Variants in UBE2R2 observed in about 807,000 individuals in gnomAD.
UBE2R2 encodes ubiquitin-conjugating enzyme E2 R2.
UBE2R2 carries 1 observed loss-of-function variant against 27.8 expected under a neutral mutation model. The observed-to-expected ratio is 0.04, with a 90% CI of 0.01 to 0.17. The LOEUF is 0.17. Among genes scored for constraint, UBE2R2 ranks in the 10% least tolerant of loss-of-function variants. The pLI is 1.00. For synonymous variants in UBE2R2, 106 were observed against 113.3 expected (o/e 0.94, Z 0.41); for missense variants, 100 against 291.0 (o/e 0.34, Z 4.78).
chr9:33,861,854 T>C (rs928682492), intron 1 of UBE2R2, among the ~76,000 whole-genome samples: 2 of 146,500 alleles, frequency 1.4e-5, no homozygotes, highest in African/African-American at 2.5e-5. Flanking sequence ...TTTCTTTTTT[T>C]TTTTTTTTTT....
At chr9:33,833,410 G>C (rs765555185) in intron 1 of UBE2R2, among the ~76,000 whole-genome samples, 1 of 151,984 alleles carries the variant, frequency 6.6e-6, no homozygotes, top group Non-Finnish European at 1.5e-5. Context: ...ATGTTGGCCA[G>C]GTTGGTCCCC....
chr9:33,824,209 T>C (rs912271754), intron 1 of UBE2R2, among the ~76,000 whole-genome samples: 1 of 152,290 alleles, frequency 6.6e-6, no homozygotes, highest in Admixed American at 6.5e-5. Context: ...ATTTCTTAGA[T>C]GGCCAGGTGT....
chr9:33,850,221 C>G (rs1820934419), intron 1 of UBE2R2, among the ~76,000 whole-genome samples: 1 of 152,058 alleles, frequency 6.6e-6, no homozygotes, highest in Non-Finnish European at 1.5e-5. Flanking sequence ...CAGTGGTATT[C>G]AGCTTGGCGT....
At chr9:33,862,693 C>T (rs904961777) in intron 1 of UBE2R2, among the ~76,000 whole-genome samples, 9 of 151,976 alleles carry the variant, frequency 5.9e-5, no homozygotes, top group Non-Finnish European at 8.8e-5. Flanking sequence ...TGGCTTGTGT[C>T]CTTTGCCTGT....
At chr9:33,908,758 C>T (rs1822419598) in intron 3 of UBE2R2, among the ~76,000 whole-genome samples, 1 of 152,142 alleles carries the variant, frequency 6.6e-6, no homozygotes, top group South Asian at 2.1e-4. Flanking sequence ...TTTCTTAATT[C>T]AAGTAATAGG....
chr9:33,869,500 G>C (rs1001624982), intron 1 of UBE2R2, among the ~76,000 whole-genome samples: 1 of 151,726 alleles, frequency 6.6e-6, no homozygotes, highest in Admixed American at 6.6e-5. Flanking sequence ...AGGCTGGAGT[G>C]TAATGGTGCA....
intron 3 of UBE2R2, among the ~76,000 whole-genome samples, chr9:33,909,646 C>G (rs924697274): frequency 7.2e-5 from 11 of 152,154 alleles, no homozygotes; most frequent in African/African-American, 2.4e-4. Flanking sequence ...GTCTCGATCT[C>G]CTTACCTTGT....
intron 1 of UBE2R2, among the ~76,000 whole-genome samples, chr9:33,871,348 G>C (rs1289079030): frequency 6.6e-6 from 1 of 152,126 alleles, no homozygotes; most frequent in East Asian, 1.9e-4. Flanking sequence ...TACATAAATA[G>C]TGTTTGTATA....
At chr9:33,908,554 A>G (rs933700525) in intron 3 of UBE2R2, among the ~76,000 whole-genome samples, 3 of 152,326 alleles carry the variant, frequency 2.0e-5, no homozygotes, top group African/African-American at 7.2e-5. Context: ...AGTTACCACT[A>G]TATTAGTCTG....
intron 1 of UBE2R2, among the ~76,000 whole-genome samples, chr9:33,834,635 G>C (rs10971728): frequency 6.6e-6 from 1 of 151,754 alleles, no homozygotes; most frequent in African/African-American, 2.4e-5. Context: ...TATAGACCTC[G>C]CACGGTGGCT....
chr9:33,839,081 C>CAAAA (rs71943200), intron 1 of UBE2R2, among the ~76,000 whole-genome samples: 1 of 128,248 alleles, frequency 7.8e-6, no homozygotes, highest in Non-Finnish European at 1.7e-5. Flanking sequence ...GGCACTGTCT[C>CAAAA]AAAAAAAAAA....
chr9:33,865,025 A>G (rs1349680057), intron 1 of UBE2R2, among the ~76,000 whole-genome samples: 1 of 147,094 alleles, frequency 6.8e-6, no homozygotes, highest in African/African-American at 2.5e-5. Flanking sequence ...CGCCCAGCCA[A>G]CTTTTAAAAT....
At chr9:33,887,399 C>T (rs929032115) in intron 2 of UBE2R2, among the ~76,000 whole-genome samples, 4 of 152,148 alleles carry the variant, frequency 2.6e-5, no homozygotes, top group African/African-American at 9.7e-5. Context: ...TTGGACTGGC[C>T]TCCTTTTAGG....
intron 3 of UBE2R2, among the ~76,000 whole-genome samples, chr9:33,909,184 G>C (rs1038099449): frequency 1.3e-5 from 2 of 151,944 alleles, no homozygotes; most frequent in Non-Finnish European, 2.9e-5. Context: ...TACTGATCTA[G>C]ACAATTAAAC....
intron 1 of UBE2R2, among the ~76,000 whole-genome samples, chr9:33,868,113 C>G (rs947330381): frequency 6.6e-6 from 1 of 152,128 alleles, no homozygotes. Context: ...GGAAGGTGAT[C>G]TTTCCCTGAA....
chr9:33,861,372 A>G (rs1423352856), intron 1 of UBE2R2, among the ~76,000 whole-genome samples: 1 of 152,080 alleles, frequency 6.6e-6, no homozygotes, highest in Non-Finnish European at 1.5e-5. Flanking sequence ...GTTTGAGACT[A>G]GCCTGGCCGA....
chr9:33,834,601 A>T (rs968744829), intron 1 of UBE2R2, among the ~76,000 whole-genome samples: 5 of 151,912 alleles, frequency 3.3e-5, no homozygotes, highest in Admixed American at 1.3e-4. Flanking sequence ...TATAAAACCT[A>T]TTCATTATAT....
intron 1 of UBE2R2, among the ~76,000 whole-genome samples, chr9:33,850,706 A>G (rs1820947621): frequency 6.6e-6 from 1 of 152,066 alleles, no homozygotes; most frequent in Non-Finnish European, 1.5e-5. Context: ...TTAATTGTTT[A>G]TTTATAAAAA....
At chr9:33,876,541 T>C (rs1201200883) in intron 1 of UBE2R2, among the ~76,000 whole-genome samples, 2 of 152,142 alleles carry the variant, frequency 1.3e-5, no homozygotes, top group Non-Finnish European at 2.9e-5. Context: ...ACAATTTAAA[T>C]AGCCTTACCA....
Sources: gnomAD v4.1 joint callset for allele counts (sites outside exome capture counted in the v4.1 genomes callset) on GRCh38, gnomAD v4.1.1 for gene constraint, MANE v1.5 for transcripts, NCBI Gene and HGNC (gene_info 2026-07-23, HGNC 2026-07-21) for gene names.